SRGAP1: variants seen among roughly 807,000 people sequenced by gnomAD.
SRGAP1 encodes SLIT-ROBO Rho GTPase activating protein 1, also known as SLIT-ROBO Rho GTPase-activating protein 1.
A neutral mutation model predicts 121.9 loss-of-function variants in SRGAP1; 43 were observed. The ratio of observed to expected loss-of-function variants is 0.35; its 90% confidence interval spans 0.28 to 0.46. SRGAP1 has a LOEUF of 0.46. Ranked by LOEUF, SRGAP1 falls within the 20% of genes least tolerant of loss-of-function variation. The pLI is 1.00. For synonymous variants in SRGAP1, 447 were observed against 485.4 expected, an observed-to-expected ratio of 0.92 and a Z score of 1.04; for missense variants, 1,102 against 1,350.9, an observed-to-expected ratio of 0.82 and a Z score of 2.89.
chr12:64,009,861 T>A (rs1376655040), intron 3 of SRGAP1, among the ~76,000 whole-genome samples: 1 of 152,192 alleles, frequency 6.6e-6, no homozygotes, highest in Non-Finnish European at 1.5e-5. Context: ...CAAAACCATG[T>A]CCCGTGACAG....
chr12:63,866,699 C>T (rs1366925954), intron 1 of SRGAP1, among the ~76,000 whole-genome samples: 1 of 149,822 alleles, frequency 6.7e-6, no homozygotes, highest in Non-Finnish European at 1.5e-5. Context: ...CAAATGGGAT[C>T]GTTTGTAGAA....
chr12:64,008,911 C>A (rs1425969772), intron 3 of SRGAP1, among the ~76,000 whole-genome samples: 3 of 152,126 alleles, frequency 2.0e-5, no homozygotes, highest in South Asian at 4.1e-4. Flanking sequence ...ACAATGTGGT[C>A]TAATTTGCTT....
intron 2 of SRGAP1, among the ~76,000 whole-genome samples, chr12:63,986,372 G>A (rs1364511607): frequency 6.6e-6 from 1 of 152,022 alleles, no homozygotes; most frequent in East Asian, 1.9e-4. Context: ...TAACTTAACT[G>A]TTGCTTTTAA....
At chr12:64,031,404 G>C (rs994436208) in intron 4 of SRGAP1, among the ~76,000 whole-genome samples, 4 of 151,098 alleles carry the variant, frequency 2.6e-5, no homozygotes, top group African/African-American at 9.7e-5. Flanking sequence ...AATTCTTACA[G>C]AATTTAGTTA....
chr12:64,148,882 A>AT lies in SRGAP1; in HGVS notation c.*6211dup, dbSNP rs2037090002. On this transcript the variant is annotated 3_prime_UTR_variant, in exon 22 of 22. Transcript: ENST00000355086. ...AGCTACTGTGCTCATGCCTCTGTGA[A>AT]TGTATCAGTATCCTGACTAATCACA... 1 of 152,018 alleles carries AT rather than the reference A, an allele frequency of 6.6e-6. No homozygotes were observed. Among genetic ancestry groups the AT allele is most frequent in the African/African-American group, 2.4e-5 (1 of 41,280 alleles). 9.4% of individuals were successfully genotyped at this position (152,018 alleles called of 1,614,324 possible). A position where few individuals can be genotyped will look rare whatever the true frequency, so the allele number is the denominator to read the frequency against.
At chr12:63,999,992 C>T (rs919289824) in intron 3 of SRGAP1, among the ~76,000 whole-genome samples, 1 of 151,868 alleles carries the variant, frequency 6.6e-6, no homozygotes. Flanking sequence ...GTGAGGTGTC[C>T]GGAAAGCTAA....
intron 1 of SRGAP1, among the ~76,000 whole-genome samples, chr12:63,971,482 T>C (rs2032945777): frequency 6.6e-6 from 1 of 152,228 alleles, no homozygotes; most frequent in Non-Finnish European, 1.5e-5. Context: ...CATTGTTGAA[T>C]TCAGTTTTTT....
chr12:63,944,879 C>T lies in SRGAP1; in HGVS notation c.68-39068C>T, dbSNP rs148590843. On this transcript the variant is annotated intron_variant, in intron 1 of 21. Transcript: ENST00000355086. ...GCACAAAGTGCCCTGCTAGCTCCTT[C>T]ACCCTTGGACTGCTGTCACCCCACC... Among the ~76,000 whole-genome samples the T allele has an allele frequency of 3.6e-3, 542 of 152,336 alleles. 6 individuals are homozygous for T. The highest frequency in any genetic ancestry group is 0.012 in the African/African-American group (506 of 41,576).
In SRGAP1 at chr12:63,974,637, G is replaced by A. The variant is rs563081824; in HGVS notation, c.68-9310G>A. 3.9e-5 allele frequency among the ~76,000 whole-genome samples: 6 copies of A among 152,174 alleles called. No individual in the cohort carries two copies. In the East Asian group the frequency reaches 1.2e-3, roughly 29 times the overall value. On this transcript the variant is annotated intron_variant, in intron 1 of 21. Transcript: ENST00000355086. ...CTCTAGAGTTCTAAGATGAGCCTAT[G>A]ATTTTGAGCTTGGAATGAAAGCAAC...
intron 1 of SRGAP1, among the ~76,000 whole-genome samples, chr12:63,907,153 G>A (rs2030252983): frequency 6.6e-6 from 1 of 152,122 alleles, no homozygotes; most frequent in Non-Finnish European, 1.5e-5. Flanking sequence ...GCACTTCCCT[G>A]ATGGTTAAGG....
chr12:64,072,156 G>GC (rs944782076), intron 8 of SRGAP1, among the ~76,000 whole-genome samples: 4 of 147,920 alleles, frequency 2.7e-5, no homozygotes, highest in African/African-American at 4.9e-5. Flanking sequence ...GTGGGCGGCG[G>GC]GGGGGGGCTC....
At chr12:64,003,134 G>A (rs991771868) in intron 3 of SRGAP1, among the ~76,000 whole-genome samples, 1 of 152,056 alleles carries the variant, frequency 6.6e-6, no homozygotes, top group Non-Finnish European at 1.5e-5. Context: ...TGCCCAGGCT[G>A]GAGTGCAGTG....
rs2037174493 is a variant in SRGAP1 at position 64,157,690 on chromosome 12, A to G, written c.*15018A>G. On this transcript the variant is annotated 3_prime_UTR_variant, in exon 22 of 22. Transcript: ENST00000355086. The stretch of plus-strand genomic sequence containing the variant: ...GTGGGGGCAATAAAGAGGCCAGATA[A>G]TAGTAGTTAAATGTGGGGCTCTGTA... 6.6e-6 allele frequency: 1 copy of G among 152,166 alleles called. No homozygotes were observed. Among genetic ancestry groups the G allele is most frequent in the Non-Finnish European group, 1.5e-5 (1 of 68,034 alleles). The allele number at this position is 152,166 out of a possible 1,614,324, so 9.4% of individuals were successfully genotyped here. A position where few individuals can be genotyped will look rare whatever the true frequency, so the allele number is the denominator to read the frequency against.
chr12:63,922,840 G>C (rs1273399720), intron 1 of SRGAP1, among the ~76,000 whole-genome samples: 2 of 152,198 alleles, frequency 1.3e-5, no homozygotes, highest in African/African-American at 4.8e-5. Context: ...CTCAGTCAAT[G>C]CTTAATGAAT....
intron 1 of SRGAP1, among the ~76,000 whole-genome samples, chr12:63,927,930 T>C (rs1345055182): frequency 6.6e-6 from 1 of 152,202 alleles, no homozygotes; most frequent in Non-Finnish European, 1.5e-5. Context: ...TTCAATATGC[T>C]AGAATGCATT....
At chr12:64,055,667 T>C (rs1205569822) in intron 6 of SRGAP1, among the ~76,000 whole-genome samples, 1 of 152,162 alleles carries the variant, frequency 6.6e-6, no homozygotes, top group Non-Finnish European at 1.5e-5. Flanking sequence ...TATAGATCAA[T>C]GGAACAGAGT....
intron 4 of SRGAP1, among the ~76,000 whole-genome samples, chr12:64,033,092 A>T (rs2034819178): frequency 6.6e-6 from 1 of 152,038 alleles, no homozygotes; most frequent in African/African-American, 2.4e-5. Flanking sequence ...ACAGAAGCTG[A>T]TTATTTCTGT....
At chr12:64,130,523 A>T (rs151061965) in intron 21 of SRGAP1, among the ~76,000 whole-genome samples, 61 of 152,288 alleles carry the variant, frequency 4.0e-4, no homozygotes, top group Middle Eastern at 3.4e-3. Flanking sequence ...TGTATTGGAC[A>T]CAGATTCAGA....
chr12:64,104,832 G>A (rs2036315594), intron 15 of SRGAP1, among the ~76,000 whole-genome samples: 1 of 151,898 alleles, frequency 6.6e-6, no homozygotes. Flanking sequence ...TTATGTCCTT[G>A]TTGCTTTTCC....
Sources: allele counts gnomAD v4.1 joint callset (sites outside exome capture counted in the v4.1 genomes callset), GRCh38; gene constraint gnomAD v4.1.1; transcripts MANE v1.5; gene names NCBI Gene and HGNC (gene_info 2026-07-23, HGNC 2026-07-21).